LMBRD1: variants seen among roughly 807,000 people sequenced by gnomAD.
The protein encoded by LMBRD1 is LMBR1 domain containing 1, also known as lysosomal cobalamin transport escort protein LMBD1.
A neutral mutation model predicts 74.8 loss-of-function variants in LMBRD1; 64 were observed. The ratio of observed to expected loss-of-function variants is 0.86; its 90% CI spans 0.70 to 1.05. The LOEUF is 1.05. Ranked by LOEUF, LMBRD1 falls within the 50% of genes least tolerant of loss-of-function variation. The pLI, the probability that LMBRD1 is intolerant of heterozygous loss-of-function variation, is 0.00. For synonymous variants in LMBRD1, 204 were observed against 216.3 expected, an observed-to-expected ratio of 0.94 and a Z score of 0.50; for missense variants, 652 against 645.9, an observed-to-expected ratio of 1.01 and a Z score of -0.10.
chr6:69,775,255 T>C (rs1765675120), intron 3 of LMBRD1, among the ~76,000 whole-genome samples: 1 of 152,108 alleles, frequency 6.6e-6, no homozygotes, highest in Non-Finnish European at 1.5e-5. Context: ...CTTCAGTTAA[T>C]GAGGATTATT....
intron 3 of LMBRD1, among the ~76,000 whole-genome samples, chr6:69,766,570 G>A (rs1250264887): frequency 6.6e-6 from 1 of 151,750 alleles, no homozygotes; most frequent in Non-Finnish European, 1.5e-5. Context: ...TAAGAATTCT[G>A]TGTCTACATT....
At chr6:69,773,502 CAAAA>C (rs931057491) in intron 3 of LMBRD1, among the ~76,000 whole-genome samples, 2 of 151,942 alleles carry the variant, frequency 1.3e-5, no homozygotes, top group Non-Finnish European at 1.5e-5. Flanking sequence ...GAGAAACTTC[CAAAA>C]AACTCTCTTA....
In LMBRD1 at chr6:69,732,922, C is replaced by G. The variant is rs114806055; in HGVS notation, c.636+5020G>C. 3.5e-3 allele frequency among the ~76,000 whole-genome samples: 531 copies of G among 152,184 alleles called. 1 individual carries two copies. Among genetic ancestry groups the G allele is most frequent in the African/African-American group, 0.012 (513 of 41,520 alleles). On this transcript the variant is annotated intron_variant, in intron 7 of 15. Transcript: ENST00000649934. ...TTTTTAAATTTAGTAAGTATCAATTCCCTTTCAATGTAAGCTTAAAATAAT... is the reference window on the plus strand; with the variant it reads ...TTTTTAAATTTAGTAAGTATCAATTGCCTTTCAATGTAAGCTTAAAATAAT...
chr6:69,720,929 G>A (rs892437926), intron 7 of LMBRD1, among the ~76,000 whole-genome samples: 1 of 152,220 alleles, frequency 6.6e-6, no homozygotes, highest in African/African-American at 2.4e-5. Context: ...TTCGCTTTCA[G>A]GAGGGACAGC....
intron 3 of LMBRD1, among the ~76,000 whole-genome samples, chr6:69,757,762 C>A (rs1765297450): frequency 6.6e-6 from 1 of 152,078 alleles, no homozygotes; most frequent in Non-Finnish European, 1.5e-5. Flanking sequence ...ATTCTTGACT[C>A]TAAAGTTATG....
intron 9 of LMBRD1, among the ~76,000 whole-genome samples, chr6:69,704,548 C>A (rs1766206922): frequency 1.3e-5 from 2 of 152,102 alleles, no homozygotes; most frequent in South Asian, 4.2e-4. Flanking sequence ...TTCTCTTAAA[C>A]ACTTCTTACT....
intron 7 of LMBRD1, among the ~76,000 whole-genome samples, chr6:69,727,067 C>T (rs757676709): frequency 1.1e-4 from 16 of 151,942 alleles, no homozygotes; most frequent in Non-Finnish European, 2.1e-4. Flanking sequence ...AGGCAGGAGA[C>T]GGAATTTCTT....
chr6:69,764,205 TTG>T (rs1252826616), intron 3 of LMBRD1, among the ~76,000 whole-genome samples: 2 of 152,174 alleles, frequency 1.3e-5, no homozygotes, highest in African/African-American at 4.8e-5. Context: ...GTGATAGTAC[TTG>T]GAGATGAGGC....
intron 5 of LMBRD1, among the ~76,000 whole-genome samples, chr6:69,745,686 C>A (rs1350350632): frequency 6.6e-6 from 1 of 152,144 alleles, no homozygotes; most frequent in Non-Finnish European, 1.5e-5. Context: ...GAGGGGAAAT[C>A]TAAATTCACA....
intron 3 of LMBRD1, among the ~76,000 whole-genome samples, chr6:69,758,658 G>A (rs1459633328): frequency 6.6e-6 from 1 of 152,116 alleles, no homozygotes; most frequent in Non-Finnish European, 1.5e-5. Flanking sequence ...CTTTAAGTGA[G>A]ACTGAAACAC....
At chr6:69,769,148 G>A (rs1164574720) in intron 3 of LMBRD1, among the ~76,000 whole-genome samples, 2 of 151,862 alleles carry the variant, frequency 1.3e-5, no homozygotes, top group Non-Finnish European at 2.9e-5. Flanking sequence ...CACATACATA[G>A]GTAAACTTGA....
rs747524917 is a variant in LMBRD1, at chr6:69,773,762, A to G, written c.307+6732T>C. On this transcript the variant is annotated intron_variant, in intron 3 of 15. Transcript: ENST00000649934. ...AAAATCTTTTAAATGTACATATATAATATCTTCTTAACAGCTGCATTTGAA... is the reference window on the plus strand; with the variant it reads ...AAAATCTTTTAAATGTACATATATAGTATCTTCTTAACAGCTGCATTTGAA... 1.1e-4 allele frequency among the ~76,000 whole-genome samples: 17 copies of G among 152,242 alleles called. 1 individual carries two copies. Among genetic ancestry groups the G allele is most frequent in the Admixed American group, 7.2e-4 (11 of 15,284 alleles).
intron 12 of LMBRD1, among the ~76,000 whole-genome samples, 154 bp from the exon 13 acceptor site, chr6:69,699,346 A>T: frequency 6.6e-6 from 1 of 151,848 alleles, no homozygotes; most frequent in East Asian, 1.9e-4. Flanking sequence ...ATCCCAAATA[A>T]TTTTAAGATT....
intron 3 of LMBRD1, among the ~76,000 whole-genome samples, chr6:69,773,848 A>G (rs186235549): frequency 9.8e-4 from 150 of 152,346 alleles, no homozygotes; most frequent in Non-Finnish European, 1.6e-3. Flanking sequence ...AAACTACGGT[A>G]TGTTAATATA....
At chr6:69,710,671 G>A (rs932443393) in intron 9 of LMBRD1, among the ~76,000 whole-genome samples, 1 of 152,076 alleles carries the variant, frequency 6.6e-6, no homozygotes, top group African/African-American at 2.4e-5. Context: ...ATGGCCAAGA[G>A]ATTTAAACAC....
At chr6:69,701,702 T>C (rs1352542515) in intron 10 of LMBRD1, among the ~76,000 whole-genome samples, 157 bp from the exon 11 acceptor site, 3 of 151,928 alleles carry the variant, frequency 2.0e-5, no homozygotes, top group African/African-American at 7.2e-5. Context: ...TATTGTTCAA[T>C]TGATGGAGAA....
In LMBRD1 at chr6:69,702,304, CA is replaced by C. The variant is rs34551669; in HGVS notation, c.916-352del. Among the ~76,000 whole-genome samples, 15 of 151,776 alleles carry C rather than the reference CA, an allele frequency of 9.9e-5. No homozygotes were observed. In the East Asian group the frequency reaches 1.2e-3, roughly 12 times the overall value. ...ACACACAGACACACACACACACACA[CA>C]CCCCAAAACCATGAAATGCAGGTTA... On this transcript the variant is annotated intron_variant, in intron 9 of 15. Coordinates refer to ENST00000649934, the MANE Select transcript of LMBRD1 (RefSeq NM_018368.4).
intron 1 of LMBRD1, among the ~76,000 whole-genome samples, chr6:69,791,232 C>A (rs1483634346): frequency 6.6e-6 from 1 of 152,150 alleles, no homozygotes; most frequent in African/African-American, 2.4e-5. Context: ...TTGCTAGGCC[C>A]CATCCTCTGA....
intron 3 of LMBRD1, among the ~76,000 whole-genome samples, chr6:69,765,909 T>C (rs1332099882): frequency 6.6e-6 from 1 of 152,060 alleles, no homozygotes; most frequent in African/African-American, 2.4e-5. Flanking sequence ...TCAGTTCATC[T>C]GAATTGTCTG....
Sources: allele counts gnomAD v4.1 joint callset (sites outside exome capture counted in the v4.1 genomes callset), GRCh38; gene constraint gnomAD v4.1.1; transcripts MANE v1.5; gene names NCBI Gene and HGNC (gene_info 2026-07-23, HGNC 2026-07-21).